CEP290: variants seen among roughly 807,000 people sequenced by gnomAD.
CEP290 encodes the protein centrosomal protein of 290 kDa.
CEP290 carries 317 observed loss-of-function variants against 344.9 expected under a neutral mutation model. That is an observed-to-expected ratio of 0.92 (90% confidence interval 0.84 to 1.01). The LOEUF (loss-of-function observed/expected upper bound fraction) is 1.01. CEP290 is among the 50% of genes least tolerant of loss of function. The probability of loss-of-function intolerance (pLI) is 0.00; values close to 1 mark genes in which losing one functional copy is unlikely to be tolerated. For synonymous variants in CEP290, 932 were observed against 895.8 expected, an observed-to-expected ratio of 1.04 and a Z score of -0.72; for missense variants, 2,754 against 2,761.4, an observed-to-expected ratio of 1.00 and a Z score of 0.06.
intron 23 of CEP290, among the ~76,000 whole-genome samples, chr12:88,107,720 G>A (rs556265496): frequency 6.6e-6 from 1 of 151,792 alleles, no homozygotes; most frequent in Non-Finnish European, 1.5e-5. Context: ...TGGACAATAT[G>A]GCAAAACTCC....
intron 1 of CEP290, among the ~76,000 whole-genome samples, 190 bp downstream of exon 1, chr12:88,141,710 T>C (rs190259658): frequency 1.3e-5 from 2 of 151,854 alleles, no homozygotes; most frequent in Non-Finnish European, 2.9e-5. Flanking sequence ...GAATTGGGGC[T>C]GAAAAAAAAC....
At position 88,090,820 on chromosome 12, in the gene CEP290, T is replaced by A. The variant is rs2036979298; in HGVS notation, c.3481A>T (p.Ile1161Phe). The A allele has an allele frequency of 2.6e-6, 4 of 1,555,694 alleles. No homozygotes were observed. Among genetic ancestry groups the A allele is most frequent in the Non-Finnish European group, 3.5e-6 (4 of 1,147,456 alleles). ...AAAATTTCAACTTGTCTTCTGGCAATATCAGAAATCTCTCTCAGTCTAGGA... is the reference window on the plus strand; with the variant it reads ...AAAATTTCAACTTGTCTTCTGGCAAAATCAGAAATCTCTCTCAGTCTAGGA... The part of the protein sequence containing the change: ...EVSKLREISD[I>F]ARRQVEILNA... The change falls in exon 30 of 54, where the codon ATT becomes TTT. Residue 1161 changes from isoleucine to phenylalanine, a missense_variant. Coordinates refer to ENST00000552810, the MANE Select transcript of CEP290 (RefSeq NM_025114.4).
chr12:88,078,425 C>T (rs1347672271), intron 39 of CEP290, among the ~76,000 whole-genome samples: 1 of 151,938 alleles, frequency 6.6e-6, no homozygotes, highest in Non-Finnish European at 1.5e-5. Flanking sequence ...GATGGGGACA[C>T]ACTGTATGTT....
chr12:88,050,214 C>T, intron 53 of CEP290, 140 bp downstream of exon 53: 1 of 566,660 alleles, frequency 1.8e-6, no homozygotes, highest in Non-Finnish European at 3.1e-6. Context: ...GTCAGATGAA[C>T]ATAATTAACT....
intron 5 of CEP290, among the ~76,000 whole-genome samples, chr12:88,138,523 T>G (rs1399409684): frequency 1.3e-5 from 2 of 152,154 alleles, no homozygotes; most frequent in Non-Finnish European, 2.9e-5. Flanking sequence ...CTCCAATATA[T>G]TTCAAATTTT....
intron 38 of CEP290, among the ~76,000 whole-genome samples, chr12:88,079,554 T>G (rs535232463): frequency 6.6e-6 from 1 of 152,242 alleles, no homozygotes; most frequent in African/African-American, 2.4e-5. Context: ...ATTACTCACT[T>G]ACTACATCCT....
intron 26 of CEP290, among the ~76,000 whole-genome samples, chr12:88,099,961 T>G (rs1257945393): frequency 1.3e-5 from 2 of 151,564 alleles, no homozygotes; most frequent in East Asian, 1.9e-4. Flanking sequence ...TCCCTCCTCC[T>G]GAAACTTCAC....
chr12:88,071,141 T>G (rs759130990), intron 43 of CEP290, among the ~76,000 whole-genome samples, 153 bp downstream of exon 43: 10 of 152,022 alleles, frequency 6.6e-5, no homozygotes, highest in Non-Finnish European at 1.3e-4. Flanking sequence ...ACACCAAAAT[T>G]ATGTGGCATA....
intron 26 of CEP290, among the ~76,000 whole-genome samples, chr12:88,097,539 G>T (rs2037517595): frequency 6.7e-6 from 1 of 149,898 alleles, no homozygotes; most frequent in Non-Finnish European, 1.5e-5. Context: ...CCAGTCTCAG[G>T]TATTTCTTCA....
At chr12:88,074,884 C>A (rs2137013176) in intron 41 of CEP290, among the ~76,000 whole-genome samples, 1 of 152,290 alleles carries the variant, frequency 6.6e-6, no homozygotes, top group South Asian at 2.1e-4. Context: ...CACACCCCTT[C>A]CCCCATATCT....
Position 88,049,301 on chromosome 12 carries a change from T to G in CEP290, c.7323A>C (p.Leu2441Phe). 6.3e-7 allele frequency: 1 copy of G among 1,586,856 alleles called. No individual in the cohort carries two copies. Among genetic ancestry groups the G allele is most frequent in the Non-Finnish European group, 8.6e-7 (1 of 1,157,074 alleles). Residue 2441 changes from leucine (L) to phenylalanine (F), a missense_variant, in exon 54 of 54, where the codon TTA (leucine) becomes TTC (phenylalanine). Physicochemically the swap from Leu to Phe is conservative, Grantham distance 22 (BLOSUM62 0). Coordinates refer to ENST00000552810, the MANE Select transcript of CEP290 (RefSeq NM_025114.4). ...CTGAAAGTTTTTTTACCTTCTCTTC[T>G]AAGAGAATATTCTTCTTCACTTCTT... The part of the protein sequence containing the change: ...YKEEVKKNIL[L>F]EEKVKKLSEQ...
chr12:88,130,739 T>A (rs556286282), intron 7 of CEP290, among the ~76,000 whole-genome samples, 174 bp from the exon 8 acceptor site: 1 of 152,256 alleles, frequency 6.6e-6, no homozygotes, highest in South Asian at 2.1e-4. Context: ...ATTTCAATTA[T>A]GTTAGAAACT....
chr12:88,141,104 T>G (rs1305685559), intron 2 of CEP290, 71 bp from the exon 3 acceptor site: 2 of 1,340,614 alleles, frequency 1.5e-6, no homozygotes, highest in Non-Finnish European at 2.0e-6. Flanking sequence ...ACTTCCAGAT[T>G]GTGACAATTA....
At position 88,049,135 on chromosome 12, in the gene CEP290, C is replaced by CTT. The variant is rs2033214165; in HGVS notation, c.*47_*48dup. 2 of 1,132,050 alleles carry CTT rather than the reference C, an allele frequency of 1.8e-6. No individual in the cohort carries two copies. Among genetic ancestry groups the CTT allele is most frequent in the Non-Finnish European group, 2.6e-6 (2 of 780,850 alleles). The allele number at this position is 1,132,050 out of a possible 1,614,324, so 70.1% of individuals were successfully genotyped here. A position where few individuals can be genotyped will look rare whatever the true frequency, so the allele number is the denominator to read the frequency against. On this transcript the variant is annotated 3_prime_UTR_variant, in exon 54 of 54. Coordinates refer to ENST00000552810, the MANE Select transcript of CEP290 (RefSeq NM_025114.4). The stretch of plus-strand genomic sequence containing the variant: ...ACTGCTTATTTCCAAGTATATTTAA[C>CTT]TTATAAAGTTAATAAATAGTTAAAT...
intron 44 of CEP290, among the ~76,000 whole-genome samples, chr12:88,064,603 TGACTGGTATCCTTATGA>T (rs2034754195): frequency 6.6e-6 from 1 of 152,106 alleles, no homozygotes; most frequent in African/African-American, 2.4e-5. Context: ...TATTCGACTG[TGACTGGTATCCTTATGA>T]AAAGAGAAAA....
At position 88,140,968 on chromosome 12, in the gene CEP290, CTGAG is replaced by C. The variant is rs758550675; in HGVS notation, c.164_167del (p.Thr55SerfsTer3). The C allele has an allele frequency of 1.3e-5, 20 of 1,588,116 alleles. No homozygotes were observed. The highest frequency in any genetic ancestry group is 1.7e-4 in the Middle Eastern group (1 of 5,956). ...ACTACATACAAACCTTCATTAGTGACTGAGTAATTCTGAAAAGGTGTATCACATT... is the reference window on the plus strand; with the variant it reads ...ACTACATACAAACCTTCATTAGTGACTAATTCTGAAAAGGTGTATCACATT... On this transcript the variant is annotated frameshift_variant, in exon 3 of 54. Transcript: ENST00000552810. LOFTEE classifies it high-confidence loss of function.
chr12:88,059,624 G>T (rs2034304466), intron 48 of CEP290, among the ~76,000 whole-genome samples: 1 of 152,166 alleles, frequency 6.6e-6, no homozygotes, highest in African/African-American at 2.4e-5. Flanking sequence ...AGCCAGGATG[G>T]TCTCGATCTC....
At chr12:88,061,585 A>C (rs551895668) in intron 46 of CEP290, among the ~76,000 whole-genome samples, 1 of 152,272 alleles carries the variant, frequency 6.6e-6, no homozygotes, top group South Asian at 2.1e-4. Context: ...AGTTTAGCCA[A>C]ACAGTATGCT....
intron 6 of CEP290, among the ~76,000 whole-genome samples, chr12:88,135,495 T>C (rs1016173510): frequency 3.9e-5 from 6 of 152,082 alleles, no homozygotes; most frequent in Non-Finnish European, 7.4e-5. Context: ...AATCCACATG[T>C]CTGCTATGTT....
Sources: gnomAD v4.1 joint callset for allele counts (sites outside exome capture counted in the v4.1 genomes callset) on GRCh38, gnomAD v4.1.1 for gene constraint, MANE v1.5 for transcripts, NCBI Gene and HGNC (gene_info 2026-07-23, HGNC 2026-07-21) for gene names.